Variants in TARBP2 observed in about 807,000 individuals in gnomAD.
TARBP2 encodes the protein TARBP2 subunit of RISC loading complex.
Under a neutral mutation model 40.4 loss-of-function variants are expected in TARBP2, and 23 were observed. That is an observed-to-expected ratio of 0.57 (90% CI 0.41 to 0.81). TARBP2 has a LOEUF of 0.81. Among genes scored for constraint, TARBP2 ranks in the 30% least tolerant of loss-of-function variants. TARBP2 has a pLI of 0.00. For synonymous variants in TARBP2, 183 were observed against 190.5 expected (o/e 0.96, Z 0.32); for missense variants, 358 against 473.7 (o/e 0.76, Z 2.27).
intron 3 of TARBP2, 36 bp downstream of exon 3, chr12:53,503,165 A>G: frequency 6.6e-7 from 1 of 1,525,690 alleles, no homozygotes; most frequent in East Asian, 2.5e-5. Context: ...GAAGCCCTTC[A>G]AGGAACCCAG....
rs757764019 is a variant in TARBP2, at chr12:53,501,402, G to A, written c.-7G>A. The A allele has an allele frequency of 3.2e-6, 5 of 1,562,806 alleles. No individual in the cohort carries two copies. The Admixed American group carries it at 5.7e-5, about 18-fold the overall frequency. Reference sequence around the variant, plus strand: ...TCACGGTGGCGCCCGCGGGGACGGAGGAGGGAATGAGTGAAGAGGAGCAAG... The same window carrying A: ...TCACGGTGGCGCCCGCGGGGACGGAAGAGGGAATGAGTGAAGAGGAGCAAG... On this transcript the variant is annotated 5_prime_UTR_variant, in exon 1 of 9. Coordinates refer to ENST00000266987, the MANE Select transcript of TARBP2 (RefSeq NM_134323.2).
chr12:53,504,567 G>A, intron 5 of TARBP2, 98 bp downstream of exon 5: 1 of 1,604,414 alleles, frequency 6.2e-7, no homozygotes, highest in Non-Finnish European at 8.5e-7. Flanking sequence ...GCGGTTCCTT[G>A]TACTGAGGCC....
chr12:53,505,027 C>T lies in TARBP2; in HGVS notation c.614-108C>T, dbSNP rs1020654456. ...CACGTGCATGGGCAGGTCTTGAGTT[C>T]CCCTTTCCAGTTGACATTCTGGGGG... On this transcript the variant is annotated intron_variant, in intron 6 of 8. Coordinates refer to ENST00000266987, the MANE Select transcript of TARBP2 (RefSeq NM_134323.2). This position sits in a 1 kb window ranked among gnomAD's most constrained non-coding sequence, Gnocchi z 4.5. 2 of 1,522,510 alleles carry T rather than the reference C, an allele frequency of 1.3e-6. No individual in the cohort carries two copies. Among genetic ancestry groups the T allele is most frequent in the East Asian group, 2.3e-5 (1 of 43,924 alleles). 94.3% of individuals were successfully genotyped at this position (1,522,510 alleles called of 1,614,324 possible). A position where few individuals can be genotyped will look rare whatever the true frequency, so the allele number is the denominator to read the frequency against.
chr12:53,501,347 G>T lies in TARBP2; in HGVS notation c.-62G>T. On this transcript the variant is annotated 5_prime_UTR_variant, in exon 1 of 9. Coordinates refer to ENST00000266987, the MANE Select transcript of TARBP2 (RefSeq NM_134323.2). Reference sequence around the variant, plus strand: ...GCTTGGCCCCGGCCCTAGCTCGTCGGCTGTGTATTGGGGCGCGTGGAGGCT... The same window carrying T: ...GCTTGGCCCCGGCCCTAGCTCGTCGTCTGTGTATTGGGGCGCGTGGAGGCT... 6.5e-7 allele frequency: 1 copy of T among 1,543,492 alleles called. No homozygotes were observed. The highest frequency in any genetic ancestry group is 8.8e-7 in the Non-Finnish European group (1 of 1,140,842).
chr12:53,504,541 G>A, intron 5 of TARBP2, 72 bp downstream of exon 5: 1 of 1,603,038 alleles, frequency 6.2e-7, no homozygotes, highest in Non-Finnish European at 8.5e-7. Context: ...AAGGCTATGT[G>A]TGTTTGGGGG....
Position 53,505,397 on chromosome 12 carries a change from AC to A in TARBP2, c.741+138del. 1 of 1,386,406 alleles carries A rather than the reference AC, an allele frequency of 7.2e-7. No individual in the cohort carries two copies. The allele number at this position is 1,386,406 out of a possible 1,614,324, so 85.9% of individuals were successfully genotyped here. On this transcript the variant is annotated intron_variant, in intron 7 of 8. Coordinates refer to ENST00000266987, the MANE Select transcript of TARBP2 (RefSeq NM_134323.2). This position sits in a 1 kb window ranked among gnomAD's most constrained non-coding sequence, Gnocchi z 4.5. The stretch of plus-strand genomic sequence containing the variant: ...GCTTCTGCCACAGTTTTCCTACCAG[AC>A]CCAGGGTTCCTGGGGCCGACTCAGC...
At chr12:53,501,774 C>T (rs1296041210) in intron 1 of TARBP2, 2 of 1,388,336 alleles carry the variant, frequency 1.4e-6, no homozygotes, top group African/African-American at 1.5e-5. Flanking sequence ...CATTGGGGCA[C>T]AGGATCGTGC....
rs767214517 is a variant in TARBP2 at position 53,504,401 on chromosome 12, C to A, written c.427C>A (p.Pro143Thr). The A allele has an allele frequency of 2.6e-5, 41 of 1,554,638 alleles. No homozygotes were observed. Among genetic ancestry groups the A allele is most frequent in the Admixed American group, 4.2e-5 (2 of 47,790 alleles). The change falls in exon 5 of 9, where the codon CCC (proline) becomes ACC (threonine). Residue 143 changes from proline (P) to threonine (T), a missense_variant. Physicochemically the swap from Pro to Thr is conservative, Grantham distance 38. Around this residue, in one of 3 missense-constraint regions of TARBP2, gnomAD observed 317 missense variants for 422.9 expected, o/e 0.75. Transcript: ENST00000266987. The part of the protein sequence containing the change: ...PVPSVVLTRS[P>T]PMELQPPVSP... ...GCCCTGTGCCTTTTCCTTCAGGAGC[C>A]CCCCCATGGAACTGCAGCCCCCTGT...
At position 53,505,798 on chromosome 12, in the gene TARBP2, C is replaced by A; in HGVS notation, c.891C>A (p.Val297=). 10 of 1,614,068 alleles carry A rather than the reference C, an allele frequency of 6.2e-6. No homozygotes were observed. The highest frequency in any genetic ancestry group is 8.5e-6 in the Non-Finnish European group (10 of 1,180,000). ...CCCTGGGCCCTGCCTGCTGCCGTGT[C>A]CTCAGTGAGCTCTCTGAGGAGCAGG... The part of the protein sequence containing the change: ...LGALGPACCR[V]LSELSEEQAF... Residue 297 remains valine (V), a synonymous_variant, in exon 8 of 9, where the codon GTC becomes GTA. Coordinates refer to ENST00000266987, the MANE Select transcript of TARBP2 (RefSeq NM_134323.2). The surrounding 1 kb of genome is among the most constrained non-coding windows in gnomAD (Gnocchi z 4.5).
Position 53,503,731 on chromosome 12 carries a change from C to G in TARBP2, c.345C>G (p.Asp115Glu), listed in dbSNP as rs375489701. The G allele has an allele frequency of 1.5e-5, 24 of 1,614,012 alleles. No homozygotes were observed. The African/African-American group carries it at 2.5e-4, about 17-fold the overall frequency. Reference protein sequence around the residue: ...LEDSSSFSPLDSSLPEDIPVF... With the variant: ...LEDSSSFSPLESSLPEDIPVF... ...CGGGAAGTTCTTTTTCTCCCCTAGA[C>G]TCTTCACTGCCTGAGGACATTCCGG... is the stretch of plus-strand genomic sequence containing the variant. The change falls in exon 4 of 9, where the codon GAC becomes GAG. Residue 115 changes from aspartate (D) to glutamate (E), a missense_variant. By Grantham distance (45) the Asp-to-Glu change is conservative. Transcript: ENST00000266987.
Position 53,502,126 on chromosome 12 carries a change from C to T in TARBP2, c.165C>T (p.Gly55=), listed in dbSNP as rs1943740270. The T allele has an allele frequency of 2.5e-6, 4 of 1,614,206 alleles. No homozygotes were observed. Among genetic ancestry groups the T allele is most frequent in the Non-Finnish European group, 3.4e-6 (4 of 1,180,048 alleles). The change falls in exon 2 of 9, where the codon GGC becomes GGT. Residue 55 remains glycine, a synonymous_variant. Coordinates refer to ENST00000266987, the MANE Select transcript of TARBP2 (RefSeq NM_134323.2). ...TPVYDLLKAE[G]QAHQPNFTFR... ...TGTACGACCTTCTCAAAGCCGAGGG[C>T]CAAGCCCACCAGCCTAATTTCACCT...
intron 4 of TARBP2, 159 bp from the exon 5 acceptor site, chr12:53,504,238 G>A (rs2137265503): frequency 1.5e-6 from 1 of 665,532 alleles, no homozygotes; most frequent in East Asian, 2.9e-5. Context: ...GCCGGCTAGA[G>A]CAGGAGGAGC....
intron 1 of TARBP2, chr12:53,501,677 T>G (rs1436443070): frequency 7.0e-7 from 1 of 1,438,516 alleles, no homozygotes; most frequent in Admixed American, 2.8e-5. Context: ...ACTGGAACAC[T>G]GGGCTTTATG....
At position 53,506,147 on chromosome 12, in the gene TARBP2, G is replaced by A. The variant is rs1943977397; in HGVS notation, c.1100G>A (p.Ter367=). ...QYLKIMAGSK[*] The stretch of plus-strand genomic sequence containing the variant: ...CTCAAGATCATGGCAGGCAGCAAGT[G>A]AAGCCCCAGCTGGACTCATGGATGT... Residue 367 remains the stop codon, a stop_retained_variant, in exon 9 of 9, where the codon TGA becomes TAA. Transcript: ENST00000266987. 6.2e-7 allele frequency: 1 copy of A among 1,613,420 alleles called. No individual in the cohort carries two copies. Among genetic ancestry groups the A allele is most frequent in the African/African-American group, 1.3e-5 (1 of 75,060 alleles).
rs1592746222 is a variant in TARBP2 at position 53,506,299 on chromosome 12, A to G, written c.*151A>G. 2.6e-5 allele frequency: 26 copies of G among 986,858 alleles called. 1 individual carries two copies. The highest frequency in any genetic ancestry group is 3.5e-5 in the Non-Finnish European group (24 of 687,816). 61.1% of individuals were successfully genotyped at this position (986,858 alleles called of 1,614,324 possible). ...CCTTGAAGCTGAGAAGGCACAGGGC[A>G]AGGAGCCAAGGACCACAGAGCCTCA... On this transcript the variant is annotated 3_prime_UTR_variant, in exon 9 of 9. Transcript: ENST00000266987.
chr12:53,501,517 G>A, intron 1 of TARBP2, 56 bp downstream of exon 1: 1 of 1,549,606 alleles, frequency 6.5e-7, no homozygotes, highest in Non-Finnish European at 8.7e-7. Context: ...CGTGCGGAGG[G>A]AGTAGCGGCG....
rs752218932 is a variant in TARBP2, at chr12:53,506,176, C to T, written c.*28C>T. ...CCCCAGCTGGACTCATGGATGTGCA[C>T]CCTTTGCTCCCTGCTCTTTCTGCCT... On this transcript the variant is annotated 3_prime_UTR_variant, in exon 9 of 9. Coordinates refer to ENST00000266987, the MANE Select transcript of TARBP2 (RefSeq NM_134323.2). The T allele has an allele frequency of 6.2e-7, 1 of 1,604,606 alleles. No individual in the cohort carries two copies.
In TARBP2 at chr12:53,504,469, G is replaced by C; in HGVS notation, c.495G>C (p.Gln165His). The C allele has an allele frequency of 6.2e-7, 1 of 1,613,586 alleles. No individual in the cohort carries two copies. The highest frequency in any genetic ancestry group is 8.5e-7 in the Non-Finnish European group (1 of 1,179,740). The change falls in exon 5 of 9, where the codon CAG (glutamine) becomes CAC (histidine). Residue 165 changes from glutamine (Q) to histidine (H), a missense_variant and splice_region_variant. By Grantham distance (24) the Gln-to-His change is conservative. This residue lies in a region of TARBP2 where 317 missense variants were observed against 422.9 expected (regional missense o/e 0.75). Coordinates refer to ENST00000266987, the MANE Select transcript of TARBP2 (RefSeq NM_134323.2). ...QSECNPVGAL[Q>H]ELVVQKGWRL... ...AGTGCAACCCCGTTGGTGCTCTGCAGGTGTGTCCCATCCTCATTTCCCATG... is the reference window on the plus strand; with the variant it reads ...AGTGCAACCCCGTTGGTGCTCTGCACGTGTGTCCCATCCTCATTTCCCATG...
chr12:53,501,856 C>A, intron 1 of TARBP2, 159 bp from the exon 2 acceptor site: 1 of 1,342,952 alleles, frequency 7.4e-7, no homozygotes, highest in Non-Finnish European at 1.0e-6. Context: ...ACTTTTCCAG[C>A]CTGCACCTCC....
Sources: allele counts gnomAD v4.1 joint callset, GRCh38; gene constraint gnomAD v4.1.1; regional missense constraint gnomAD v4.1.1; non-coding constraint Gnocchi (gnomAD v3.1); transcripts MANE v1.5; gene names NCBI Gene and HGNC (gene_info 2026-07-23, HGNC 2026-07-21).